The following PLAC1 variants were observed in gnomAD, a reference collection of about 807,000 sequenced individuals.
PLAC1 encodes the protein placenta associated 1.
For synonymous variants in PLAC1, 68 were observed against 62.1 expected (o/e 1.09, Z -0.44); for missense variants, 136 against 163.2 (o/e 0.83, Z 0.91).
chrX:134,634,714 G>A (rs1397553021), intron 1 of PLAC1, among the ~76,000 whole-genome samples: 1 of 111,999 alleles, frequency 8.9e-6, no homozygotes, highest in African/African-American at 3.2e-5. Flanking sequence ...CCTTTTCATG[G>A]TTAAATAATA....
chrX:134,727,738 A>G (rs1196844977), intron 2 of PLAC1, among the ~76,000 whole-genome samples: 3 of 112,320 alleles, frequency 2.7e-5, no homozygotes, highest in Non-Finnish European at 3.8e-5. Flanking sequence ...TCAACAAAAA[A>G]TGTATGGGAT....
chrX:134,670,667 T>G (rs2078452549), intron 2 of PLAC1, among the ~76,000 whole-genome samples: 2 of 111,882 alleles, frequency 1.8e-5, no homozygotes, highest in African/African-American at 6.5e-5. Flanking sequence ...ACTGGTCATT[T>G]TGTTGTCCCA....
chrX:134,638,906 T>C (rs1012387708), intron 1 of PLAC1, among the ~76,000 whole-genome samples: 3 of 111,331 alleles, frequency 2.7e-5, no homozygotes, highest in African/African-American at 9.8e-5. Context: ...CAGTACCCAA[T>C]ATGTACTTTT....
intron 2 of PLAC1, among the ~76,000 whole-genome samples, chrX:134,726,371 C>G (rs749622508): frequency 2.8e-4 from 31 of 111,791 alleles, no homozygotes; most frequent in African/African-American, 9.4e-4. Context: ...CACACTTCTG[C>G]TCTCACACTA....
chrX:134,730,363 G>C (rs1395330869), intron 2 of PLAC1, among the ~76,000 whole-genome samples: 3 of 111,962 alleles, frequency 2.7e-5, no homozygotes, highest in Non-Finnish European at 5.6e-5. Context: ...TTTCCCAATG[G>C]GAGTGGGTGC....
upstream of PLAC1, among the ~76,000 whole-genome samples, chrX:134,661,226 C>T (rs779906743): frequency 9.0e-6 from 1 of 111,674 alleles, no homozygotes; most frequent in Non-Finnish European, 1.9e-5. Flanking sequence ...GATCAGGCCG[C>T]TATGTTATAT....
intron 1 of PLAC1, among the ~76,000 whole-genome samples, chrX:134,739,333 A>G (rs889137257): frequency 8.9e-6 from 1 of 112,417 alleles, no homozygotes; most frequent in Non-Finnish European, 1.9e-5. Context: ...TTCATAGCTC[A>G]GGGTCCAAAA....
chrX:134,647,216 T>C (rs1034093016), intron 1 of PLAC1, among the ~76,000 whole-genome samples: 2 of 111,693 alleles, frequency 1.8e-5, no homozygotes, highest in African/African-American at 3.3e-5. Context: ...TTGAACAGTA[T>C]GCACCCAGCA....
intron 2 of PLAC1, among the ~76,000 whole-genome samples, chrX:134,679,737 A>G (rs1046360373): frequency 8.9e-6 from 1 of 112,215 alleles, no homozygotes; most frequent in Non-Finnish European, 1.9e-5. Flanking sequence ...AATCTGTTCT[A>G]TACTGCACAC....
At chrX:134,598,709 C>A (rs1418424271) in intron 2 of PLAC1, among the ~76,000 whole-genome samples, 2 of 110,960 alleles carry the variant, frequency 1.8e-5, no homozygotes, top group Admixed American at 1.9e-4. Flanking sequence ...TAGGACCTGG[C>A]GGTAGTTTTT....
chrX:134,759,863 A>G (rs1161532151), intron 1 of PLAC1, among the ~76,000 whole-genome samples: 1 of 111,961 alleles, frequency 8.9e-6, no homozygotes. Flanking sequence ...GAGCTAAAAA[A>G]CTTGATCATA....
intron 2 of PLAC1, among the ~76,000 whole-genome samples, chrX:134,571,474 A>G (rs2077907822): frequency 9.0e-6 from 1 of 111,330 alleles, no homozygotes; most frequent in Non-Finnish European, 1.9e-5. Flanking sequence ...AGGAGGAATA[A>G]GTTCTAGTGA....
intron 2 of PLAC1, among the ~76,000 whole-genome samples, chrX:134,712,999 AC>A (rs766933696): frequency 2.7e-5 from 3 of 112,398 alleles, no homozygotes; most frequent in Admixed American, 9.5e-5. Context: ...CAACTCTGGT[AC>A]ATTAATTATT....
intron 2 of PLAC1, among the ~76,000 whole-genome samples, chrX:134,574,854 G>T (rs1419082957): frequency 9.0e-6 from 1 of 111,458 alleles, no homozygotes; most frequent in Non-Finnish European, 1.9e-5. Context: ...CCTCGAAGGG[G>T]CTTGCTAGAG....
chrX:134,748,112 TTGA>T (rs1450823096), intron 1 of PLAC1, among the ~76,000 whole-genome samples: 1 of 111,194 alleles, frequency 9.0e-6, no homozygotes, highest in Non-Finnish European at 1.9e-5. Flanking sequence ...GGCGGATCAC[TTGA>T]GGTCAGGAGT....
intron 2 of PLAC1, among the ~76,000 whole-genome samples, chrX:134,699,312 T>C (rs374049662): frequency 4.5e-5 from 5 of 111,433 alleles, no homozygotes; most frequent in African/African-American, 1.3e-4. Flanking sequence ...TTGTCCCTTA[T>C]TGCCTCCTCT....
At chrX:134,745,896 A>G (rs1263330955) in intron 1 of PLAC1, among the ~76,000 whole-genome samples, 1 of 111,805 alleles carries the variant, frequency 8.9e-6, no homozygotes, top group Non-Finnish European at 1.9e-5. Context: ...CAGTGAGTCC[A>G]GTTCCTTCCT....
intron 2 of PLAC1, among the ~76,000 whole-genome samples, chrX:134,576,231 A>C (rs1248213547): frequency 2.8e-5 from 3 of 108,925 alleles, no homozygotes; most frequent in Non-Finnish European, 5.7e-5. Context: ...ATATATACAT[A>C]TATATGTATA....
At position 134,675,665 on chromosome X, in the gene PLAC1, CA is replaced by C. The variant is rs745755595; in HGVS notation, n.174+57769del. On this transcript the variant is annotated intron_variant and non_coding_transcript_variant, in intron 2 of 2. Coordinates refer to the PLAC1 transcript ENST00000466797. ...GGGCAACAAGAGCGAAACTCCATCT[CA>C]AAAAAAAAAAAAAAGAAAGTGGCCT... Among the ~76,000 whole-genome samples the C allele has an allele frequency of 2.8e-3, 225 of 80,789 alleles. 1 individual carries two copies. Among genetic ancestry groups the C allele is most frequent in the Admixed American group, 4.2e-3 (30 of 7,131 alleles). 70.2% of individuals were successfully genotyped at this position (80,789 alleles called of 115,157 possible). A position where few individuals can be genotyped will look rare whatever the true frequency, so the allele number is the denominator to read the frequency against.
Sources: allele counts gnomAD v4.1 joint callset (sites outside exome capture counted in the v4.1 genomes callset), GRCh38; gene constraint gnomAD v4.1.1; transcripts MANE v1.5; gene names NCBI Gene and HGNC (gene_info 2026-07-23, HGNC 2026-07-21).